The following DRC11 variants were observed in gnomAD, a reference collection of about 807,000 sequenced individuals.
The protein encoded by DRC11 is dynein regulatory complex subunit 11, also known as IQ and AAA domain-containing protein 1.
the DRC11 span, among the ~76,000 whole-genome samples, chr2:236,370,090 C>T: frequency 4.6e-5 from 7 of 152,122 alleles, no homozygotes; most frequent in Admixed American, 4.6e-4. The surrounding 1 kb of genome is among the most constrained non-coding windows in gnomAD (Gnocchi z 5.5). Context: ...AGAGTGGACC[C>T]TAAATCCAAC....
At chr2:236,338,558 A>G in the DRC11 span, among the ~76,000 whole-genome samples, 1 of 152,232 alleles carries the variant, frequency 6.6e-6, no homozygotes, top group African/African-American at 2.4e-5. Flanking sequence ...TCCCAGTATG[A>G]CCCAGTGGAT....
chr2:236,358,567 T>C, the DRC11 span, among the ~76,000 whole-genome samples: 8 of 145,376 alleles, frequency 5.5e-5, no homozygotes, highest in Non-Finnish European at 1.2e-4. Context: ...ACCCCCCAGG[T>C]ACCAGTCTCC....
the DRC11 span, among the ~76,000 whole-genome samples, chr2:236,360,791 G>A: frequency 6.6e-6 from 1 of 152,190 alleles, no homozygotes; most frequent in Non-Finnish European, 1.5e-5. The surrounding 1 kb of genome is among the most constrained non-coding windows in gnomAD (Gnocchi z 5.8). Context: ...AAACTCTGGA[G>A]TAAAGACCAT....
the DRC11 span, among the ~76,000 whole-genome samples, chr2:236,315,939 C>T: frequency 2.0e-5 from 3 of 152,128 alleles, no homozygotes; most frequent in Non-Finnish European, 4.4e-5. The surrounding 1 kb of genome is among the most constrained non-coding windows in gnomAD (Gnocchi z 5.1). Flanking sequence ...AGCAAACCAC[C>T]ATGGCACACA....
the DRC11 span, among the ~76,000 whole-genome samples, chr2:236,407,585 T>TAC: frequency 3.3e-5 from 5 of 152,142 alleles, no homozygotes; most frequent in South Asian, 2.1e-4. Flanking sequence ...TATCTATATA[T>TAC]ACACACACAC....
chr2:236,498,816 C>A, the DRC11 span, among the ~76,000 whole-genome samples: 12 of 152,254 alleles, frequency 7.9e-5, no homozygotes, highest in African/African-American at 2.6e-4. Flanking sequence ...AGAGCCAATA[C>A]CTTCATGGTA....
chr2:236,357,737 A>T, the DRC11 span, among the ~76,000 whole-genome samples: 1 of 126,850 alleles, frequency 7.9e-6, no homozygotes, highest in Non-Finnish European at 1.5e-5. Flanking sequence ...AAATATACAT[A>T]TAATATGTAA....
chr2:236,472,269 C>T, the DRC11 span, among the ~76,000 whole-genome samples: 1 of 152,144 alleles, frequency 6.6e-6, no homozygotes, highest in South Asian at 2.1e-4. The surrounding 1 kb of genome is among the most constrained non-coding windows in gnomAD (Gnocchi z 4.6). Context: ...TTTGCTGGTG[C>T]AACAACACAA....
chr2:236,488,053 T>A, the DRC11 span: 1 of 1,606,356 alleles, frequency 6.2e-7, no homozygotes, highest in Admixed American at 1.7e-5. Flanking sequence ...TTGCCAAGCA[T>A]CTTGGATTGC....
At chr2:236,364,048 C>T in the DRC11 span, 1 of 1,387,610 alleles carries the variant, frequency 7.2e-7, no homozygotes, top group Non-Finnish European at 1.0e-6. Context: ...ACTAGGATAA[C>T]TCAAGGTCAA....
At chr2:236,378,000 A>C in the DRC11 span, among the ~76,000 whole-genome samples, 1 of 152,138 alleles carries the variant, frequency 6.6e-6, no homozygotes, top group Non-Finnish European at 1.5e-5. The surrounding 1 kb of genome is among the most constrained non-coding windows in gnomAD (Gnocchi z 4.9). Context: ...TCTTTCTCTA[A>C]GTTGAGAATT....
the DRC11 span, among the ~76,000 whole-genome samples, chr2:236,436,692 G>A: frequency 6.6e-6 from 1 of 152,116 alleles, no homozygotes; most frequent in Non-Finnish European, 1.5e-5. Flanking sequence ...GACTCCTTGA[G>A]TATGAACCTC....
chr2:236,312,463 AT>A, the DRC11 span, among the ~76,000 whole-genome samples: 2 of 152,216 alleles, frequency 1.3e-5, no homozygotes, highest in African/African-American at 4.8e-5. Flanking sequence ...TGCCCCCCTA[AT>A]TCTATATGCA....
the DRC11 span, among the ~76,000 whole-genome samples, chr2:236,483,810 C>G: frequency 6.6e-6 from 1 of 152,238 alleles, no homozygotes; most frequent in African/African-American, 2.4e-5. The surrounding 1 kb of genome is among the most constrained non-coding windows in gnomAD (Gnocchi z 4.8). Context: ...GAAAATTGAA[C>G]TAAATTATAT....
chr2:236,329,550 T>C, the DRC11 span, among the ~76,000 whole-genome samples: 1 of 152,192 alleles, frequency 6.6e-6, no homozygotes, highest in Non-Finnish European at 1.5e-5. Flanking sequence ...TGAGATAACG[T>C]TGTCGGAAGC....
chr2:236,413,872 T>G, the DRC11 span, among the ~76,000 whole-genome samples: 1 of 152,236 alleles, frequency 6.6e-6, no homozygotes. The surrounding 1 kb of genome is among the most constrained non-coding windows in gnomAD (Gnocchi z 4.0). Context: ...GCTCTATTAC[T>G]GCGACTTTTG....
chr2:236,503,831 C>T, the DRC11 span: 6 of 790,630 alleles, frequency 7.6e-6, no homozygotes, highest in Admixed American at 1.1e-4. This position sits in a 1 kb window ranked among gnomAD's most constrained non-coding sequence, Gnocchi z 4.9. Context: ...GCGCTCAGCC[C>T]ATCTGGCCTT....
chr2:236,392,649 A>T, the DRC11 span, among the ~76,000 whole-genome samples: 2 of 152,194 alleles, frequency 1.3e-5, no homozygotes, highest in African/African-American at 4.8e-5. The surrounding 1 kb of genome is among the most constrained non-coding windows in gnomAD (Gnocchi z 5.1). Context: ...GTATTATTAT[A>T]ATCATGTAAA....
the DRC11 span, among the ~76,000 whole-genome samples, chr2:236,335,834 G>A: frequency 3.3e-5 from 5 of 152,192 alleles, no homozygotes; most frequent in African/African-American, 4.8e-5. This position sits in a 1 kb window ranked among gnomAD's most constrained non-coding sequence, Gnocchi z 5.6. Context: ...TGGAACCCCC[G>A]GCATTGGCTG....
Sources: gnomAD v4.1 joint callset for allele counts (sites outside exome capture counted in the v4.1 genomes callset) on GRCh38, gnomAD v4.1.1 for gene constraint, Gnocchi (gnomAD v3.1) non-coding constraint, MANE v1.5 for transcripts, NCBI Gene and HGNC (gene_info 2026-07-23, HGNC 2026-07-21) for gene names.